ERCC8: variants seen among roughly 807,000 people sequenced by gnomAD.
ERCC8 encodes the protein ERCC excision repair 8, CSA ubiquitin ligase complex subunit, also known as DNA excision repair protein ERCC-8.
ERCC8 carries 52 observed loss-of-function variants against 54.9 expected under a neutral mutation model. The ratio of observed to expected loss-of-function variants is 0.95; its 90% CI spans 0.76 to 1.19. The LOEUF (loss-of-function observed/expected upper bound fraction) is 1.19. ERCC8 is among the 50% of genes most tolerant of loss of function. The probability of loss-of-function intolerance (pLI) is 0.00; values close to 1 mark genes in which losing one functional copy is unlikely to be tolerated. For synonymous variants in ERCC8, 146 were observed against 157.2 expected, an observed-to-expected ratio of 0.93 and a Z score of 0.53; for missense variants, 514 against 466.1, an observed-to-expected ratio of 1.10 and a Z score of -0.95.
chr5:60,915,449 C>T (rs538078408), intron 4 of ERCC8, among the ~76,000 whole-genome samples: 17 of 152,126 alleles, frequency 1.1e-4, no homozygotes, highest in African/African-American at 3.9e-4. Context: ...TCTACTGATG[C>T]AGTAAGGAAA....
chr5:60,903,613 C>CA (rs1412661706), intron 6 of ERCC8, 35 bp downstream of exon 6: 3 of 1,611,236 alleles, frequency 1.9e-6, no homozygotes, highest in Non-Finnish European at 2.5e-6. Context: ...ATCGTTTACT[C>CA]AAAGTAGTTG....
intron 1 of ERCC8, among the ~76,000 whole-genome samples, chr5:60,937,198 T>C (rs1750091984): frequency 6.6e-6 from 1 of 152,190 alleles, no homozygotes; most frequent in Non-Finnish European, 1.5e-5. Context: ...TGAAGTGGCC[T>C]CTATGAGGGC....
At chr5:60,899,844 C>A in intron 7 of ERCC8, 117 bp from the exon 8 acceptor site, 2 of 754,866 alleles carry the variant, frequency 2.6e-6, no homozygotes, top group Non-Finnish European at 4.7e-6. Context: ...CATATGTATT[C>A]ATACATTAGG....
chr5:60,912,538 C>T (rs1749300390), intron 4 of ERCC8, among the ~76,000 whole-genome samples: 1 of 152,100 alleles, frequency 6.6e-6, no homozygotes, highest in South Asian at 2.1e-4. Context: ...CATCTGCAAA[C>T]AGGGAGAACT....
At position 60,914,577 on chromosome 5, in the gene ERCC8, G is replaced by T. The variant is rs933159989; in HGVS notation, c.399+3688C>A. ...AGGCCAAGGTGGGAGGATCATTTGAGGCCAGATTTTGACACCAGCCTGGGC... is the reference window on the plus strand; with the variant it reads ...AGGCCAAGGTGGGAGGATCATTTGATGCCAGATTTTGACACCAGCCTGGGC... On this transcript the variant is annotated intron_variant, in intron 4 of 11. Coordinates refer to ENST00000676185, the MANE Select transcript of ERCC8 (RefSeq NM_000082.4). Among the ~76,000 whole-genome samples the T allele has an allele frequency of 4.6e-5, 7 of 151,866 alleles. No homozygotes were observed. In the East Asian group the frequency reaches 1.4e-3, roughly 29 times the overall value.
intron 1 of ERCC8, among the ~76,000 whole-genome samples, chr5:60,943,479 C>T (rs1750324932): frequency 6.6e-6 from 1 of 152,096 alleles, no homozygotes; most frequent in Non-Finnish European, 1.5e-5. Context: ...AATTTTACTT[C>T]TTTCAAAGTC....
intron 1 of ERCC8, among the ~76,000 whole-genome samples, chr5:60,942,781 G>C (rs1750299730): frequency 6.6e-6 from 1 of 152,070 alleles, no homozygotes; most frequent in Non-Finnish European, 1.5e-5. Flanking sequence ...TTAATGTGCA[G>C]GGTATTGCAT....
intron 11 of ERCC8, among the ~76,000 whole-genome samples, chr5:60,882,970 AACACAC>A (rs10550173): frequency 7.3e-4 from 106 of 144,826 alleles, no homozygotes; most frequent in African/African-American, 2.5e-3. Flanking sequence ...GCCCTGGGAA[AACACAC>A]ACACACACAC....
rs1009181432 is a variant in ERCC8 at position 60,928,874 on chromosome 5, C to T, written c.163G>A (p.Glu55Lys). The change falls in exon 2 of 12, where the codon GAA (glutamate) becomes AAA (lysine). Residue 55 changes from glutamate to lysine, a missense_variant. Physicochemically the swap from Glu to Lys is moderately conservative, Grantham distance 56. Transcript: ENST00000676185. ...GTATAATAAACTTACTATCTCCCTT[C>T]AACAGGTTCAATGTCAAGGGTGTTA... The part of the protein sequence containing the change: ...GINTLDIEPV[E>K]GRYMLSGGSD... 2.5e-6 allele frequency: 4 copies of T among 1,585,474 alleles called. No homozygotes were observed. The African/African-American group carries it at 5.4e-5, about 21-fold the overall frequency.
At chr5:60,929,016 C>T in intron 1 of ERCC8, 57 bp from the exon 2 acceptor site, 3 of 1,043,634 alleles carry the variant, frequency 2.9e-6, no homozygotes, top group Non-Finnish European at 4.5e-6. Flanking sequence ...TTAAAAATTT[C>T]TTATTTAACC....
At chr5:60,925,417 GA>G (rs751173329) in intron 2 of ERCC8, among the ~76,000 whole-genome samples, 1 of 152,112 alleles carries the variant, frequency 6.6e-6, no homozygotes, top group Non-Finnish European at 1.5e-5. Context: ...TAGCTCTTTG[GA>G]AAGATATTAG....
chr5:60,935,973 C>T (rs1284567767), intron 1 of ERCC8, among the ~76,000 whole-genome samples: 2 of 152,110 alleles, frequency 1.3e-5, no homozygotes, highest in African/African-American at 4.8e-5. Context: ...CATCTATGTT[C>T]ATCAGGGATG....
chr5:60,894,811 C>T lies in ERCC8; in HGVS notation c.843+3465G>A, dbSNP rs573487213. 1.2e-3 allele frequency among the ~76,000 whole-genome samples: 184 copies of T among 152,118 alleles called. 1 individual carries two copies. The highest frequency in any genetic ancestry group is 3.2e-4 in the Non-Finnish European group (22 of 68,030). On this transcript the variant is annotated intron_variant, in intron 9 of 11. Coordinates refer to ENST00000676185, the MANE Select transcript of ERCC8 (RefSeq NM_000082.4). ...GGTGAGTGTAAAACCAGTAACTAAT[C>T]ATTTGGGAATCATGATCATGCATAT...
intron 2 of ERCC8, among the ~76,000 whole-genome samples, chr5:60,925,671 C>T (rs1277433712): frequency 2.6e-5 from 4 of 152,078 alleles, no homozygotes; most frequent in Non-Finnish European, 5.9e-5. Context: ...TGGTTTGTTC[C>T]CACTTATTCA....
intron 1 of ERCC8, 127 bp downstream of exon 1, chr5:60,944,805 A>G: frequency 1.7e-6 from 1 of 599,258 alleles, no homozygotes; most frequent in Middle Eastern, 2.8e-4. Context: ...CAAGCCACAC[A>G]GCATTAGAGG....
intron 1 of ERCC8, among the ~76,000 whole-genome samples, chr5:60,940,418 G>C (rs1580054022): frequency 6.6e-6 from 1 of 152,196 alleles, no homozygotes; most frequent in Non-Finnish European, 1.5e-5. Context: ...TCACTTCTGA[G>C]CCCAGACTTG....
intron 7 of ERCC8, among the ~76,000 whole-genome samples, 169 bp downstream of exon 7, chr5:60,902,273 A>T (rs1351573737): frequency 6.6e-6 from 1 of 152,082 alleles, no homozygotes; most frequent in Admixed American, 6.6e-5. Context: ...TAGAATACAA[A>T]GGAAGATTTC....
intron 4 of ERCC8, chr5:60,917,972 G>A (rs1749486699): frequency 2.6e-6 from 1 of 390,230 alleles, no homozygotes; most frequent in Admixed American, 3.6e-5. Context: ...GCTATGTACT[G>A]TACTAGGTAC....
At chr5:60,892,175 G>T in intron 9 of ERCC8, 1 of 522,330 alleles carries the variant, frequency 1.9e-6, no homozygotes. Context: ...ATTGAGTTTA[G>T]CCCACCCCAT....
Sources: gnomAD v4.1 joint callset for allele counts (sites outside exome capture counted in the v4.1 genomes callset) on GRCh38, gnomAD v4.1.1 for gene constraint, MANE v1.5 for transcripts, NCBI Gene and HGNC (gene_info 2026-07-23, HGNC 2026-07-21) for gene names.